The following EPG5 variants were observed in gnomAD, a reference collection of about 807,000 sequenced individuals.
EPG5 encodes ectopic P-granules 5 autophagy tethering factor.
Under a neutral mutation model 302.7 loss-of-function variants are expected in EPG5, and 159 were observed. The observed-to-expected ratio is 0.53, with a 90% confidence interval of 0.46 to 0.60. The LOEUF (loss-of-function observed/expected upper bound fraction) is 0.60, where lower values mean the gene tolerates loss of function less well. Among genes scored for constraint, EPG5 ranks in the 20% least tolerant of loss-of-function variants. The probability of loss-of-function intolerance (pLI) is 0.00; values close to 1 mark genes in which losing one functional copy is unlikely to be tolerated. For missense variants in EPG5, 2,896 were observed against 3,092.4 expected (o/e 0.94, Z 1.51); for synonymous variants, 1,158 against 1,136.8 (o/e 1.02, Z -0.37).
intron 37 of EPG5, 141 bp from the exon 38 acceptor site, chr18:45,867,148 C>T (rs956045481): frequency 1.8e-5 from 12 of 653,206 alleles, no homozygotes; most frequent in African/African-American, 1.8e-4. Flanking sequence ...AGTATCTACT[C>T]GAGTTAGGAG....
At chr18:45,915,458 A>G in intron 20 of EPG5, 53 bp downstream of exon 20, 1 of 1,244,564 alleles carries the variant, frequency 8.0e-7, no homozygotes. Context: ...AAGGATGATC[A>G]TGAGATTAAA....
rs140413001 is a variant in EPG5 at position 45,955,883 on chromosome 18, A to G, written c.64-545T>C. Among the ~76,000 whole-genome samples, 796 of 152,350 alleles carry G rather than the reference A, an allele frequency of 5.2e-3. 6 individuals carry two copies. Among genetic ancestry groups the G allele is most frequent in the African/African-American group, 0.018 (741 of 41,578 alleles). ...ATGAGTGAGAAGCGACAATTCTTCC[A>G]TACAGGAAAATTCCAATGAATAGAA... On this transcript the variant is annotated intron_variant, in intron 1 of 43. Transcript: ENST00000282041.
intron 7 of EPG5, among the ~76,000 whole-genome samples, chr18:45,944,977 C>T (rs894969434): frequency 2.6e-5 from 4 of 152,100 alleles, no homozygotes; most frequent in African/African-American, 4.8e-5. Context: ...GCGGTCTTTT[C>T]GTTTGACACA....
rs896131761 is a variant in EPG5, at chr18:45,850,363, C to T, written c.*2104G>A. On this transcript the variant is annotated 3_prime_UTR_variant, in exon 44 of 44. Transcript: ENST00000282041. The stretch of plus-strand genomic sequence containing the variant: ...TGGTCTCTCTGCCGCCCTTCTTTCC[C>T]AGGAGGCTACAGCAGCATGGCCATG... 1.3e-5 allele frequency: 2 copies of T among 152,258 alleles called. No individual in the cohort carries two copies. The highest frequency in any genetic ancestry group is 4.8e-5 in the African/African-American group (2 of 41,462). 9.4% of individuals were successfully genotyped at this position (152,258 alleles called of 1,614,324 possible). A position where few individuals can be genotyped will look rare whatever the true frequency, so the allele number is the denominator to read the frequency against.
At chr18:45,913,592 T>C in intron 21 of EPG5, 114 bp downstream of exon 21, 3 of 1,317,172 alleles carry the variant, frequency 2.3e-6, no homozygotes, top group Non-Finnish European at 3.2e-6. Flanking sequence ...TTGTTGAGCT[T>C]TCCAAACATT....
Position 45,852,354 on chromosome 18 carries a change from T to C in EPG5, c.*113A>G, listed in dbSNP as rs1046502115. The C allele has an allele frequency of 1.1e-5, 10 of 933,602 alleles. No individual in the cohort carries two copies. The East Asian group carries it at 2.6e-4, about 24-fold the overall frequency. 57.8% of individuals were successfully genotyped at this position (933,602 alleles called of 1,614,324 possible). A position where few individuals can be genotyped will look rare whatever the true frequency, so the allele number is the denominator to read the frequency against. On this transcript the variant is annotated 3_prime_UTR_variant, in exon 44 of 44. Coordinates refer to ENST00000282041, the MANE Select transcript of EPG5 (RefSeq NM_020964.3). The stretch of plus-strand genomic sequence containing the variant: ...CCTCCCAACTTGCATCTCAGTCAAC[T>C]ACACATTGGCCAAACTGAGCTCTAC...
Position 45,936,720 on chromosome 18 carries a change from CA to C in EPG5, c.2100-1755del, listed in dbSNP as rs762675563. Among the ~76,000 whole-genome samples, 167 of 53,844 alleles carry C rather than the reference CA, an allele frequency of 3.1e-3. 2 individuals are homozygous for C. Among genetic ancestry groups the C allele is most frequent in the East Asian group, 0.016 (31 of 1,934 alleles). The allele number at this position is 53,844 out of a possible 152,430, so 35.3% of individuals were successfully genotyped here. A position where few individuals can be genotyped will look rare whatever the true frequency, so the allele number is the denominator to read the frequency against. On this transcript the variant is annotated intron_variant, in intron 10 of 43. Transcript: ENST00000282041. ...TGGACAACAGAGTGAGACTCCATTTCAAAAAAAAAAAAAAAAAAAGGAAATC... is the reference window on the plus strand; with the variant it reads ...TGGACAACAGAGTGAGACTCCATTTCAAAAAAAAAAAAAAAAAAGGAAATC...
At chr18:45,876,599 C>T (rs1599469447) in intron 34 of EPG5, among the ~76,000 whole-genome samples, 4 of 151,944 alleles carry the variant, frequency 2.6e-5, no homozygotes. Context: ...CTAAATAACC[C>T]TTAAATTAAC....
At chr18:45,876,480 C>A in intron 34 of EPG5, 138 bp from the exon 35 acceptor site, 1 of 601,120 alleles carries the variant, frequency 1.7e-6, no homozygotes, top group East Asian at 2.8e-5. Flanking sequence ...ACTTAAAAGG[C>A]TGTAAATAAC....
chr18:45,835,205 T>G, the EPG5 span, among the ~76,000 whole-genome samples: 61 of 151,966 alleles, frequency 4.0e-4, no homozygotes, highest in Non-Finnish European at 8.1e-4. Flanking sequence ...GAAGCAGAAG[T>G]TGAGCAGCCA....
downstream of EPG5, among the ~76,000 whole-genome samples, chr18:45,845,882 C>A (rs2048359327): frequency 6.6e-6 from 1 of 152,182 alleles, no homozygotes; most frequent in African/African-American, 2.4e-5. Context: ...TTCCCTGCTG[C>A]CAACTGAAAT....
At chr18:45,886,887 A>G (rs1206693967) in intron 29 of EPG5, among the ~76,000 whole-genome samples, 3 of 152,046 alleles carry the variant, frequency 2.0e-5, no homozygotes, top group Admixed American at 2.0e-4. Flanking sequence ...TGAACTCCCA[A>G]CCTCAGATGA....
chr18:45,803,057 T>C, the EPG5 span, among the ~76,000 whole-genome samples: 1 of 152,214 alleles, frequency 6.6e-6, no homozygotes, highest in African/African-American at 2.4e-5. Flanking sequence ...GAGGTGCTTG[T>C]CTATAGATGG....
chr18:45,895,597 G>C (rs1568130159), intron 27 of EPG5, among the ~76,000 whole-genome samples: 1 of 152,196 alleles, frequency 6.6e-6, no homozygotes, highest in Non-Finnish European at 1.5e-5. Context: ...TTAAGGGTTT[G>C]AGTTGAGGAG....
At chr18:45,827,387 G>A in the EPG5 span, among the ~76,000 whole-genome samples, 1 of 152,178 alleles carries the variant, frequency 6.6e-6, no homozygotes, top group Admixed American at 6.5e-5. Flanking sequence ...CCCTTGGTAG[G>A]CACTGACAGG....
Position 45,910,643 on chromosome 18 carries a change from G to A in EPG5, c.4083C>T (p.Asp1361=). ...EMKRRLTEVA[D]FHHAASKALR... is the part of the protein sequence containing the mutation. ...GGGCCTTGCTTGCAGCATGGTGGAA[G>A]TCAGCCACCTCGGTCAAACGTCTCT... Residue 1361 remains aspartate (D), a synonymous_variant, in exon 23 of 44, where the codon GAC becomes GAT. Transcript: ENST00000282041. 1 of 1,614,172 alleles carries A rather than the reference G, an allele frequency of 6.2e-7. No homozygotes were observed.
intron 25 of EPG5, among the ~76,000 whole-genome samples, chr18:45,902,814 G>A (rs140250629): frequency 8.5e-5 from 13 of 152,172 alleles, no homozygotes; most frequent in South Asian, 4.1e-4. Context: ...GGAGTCAGAC[G>A]GCTCTGCCCA....
At chr18:45,949,367 T>C in intron 5 of EPG5, 117 bp downstream of exon 5, 3 of 603,576 alleles carry the variant, frequency 5.0e-6, no homozygotes, top group Non-Finnish European at 8.5e-6. Flanking sequence ...TTAAGAATTT[T>C]ATTTTAAATA....
At chr18:45,912,240 T>G (rs1004740392) in intron 22 of EPG5, 50 bp downstream of exon 22, 2 of 1,484,674 alleles carry the variant, frequency 1.3e-6, no homozygotes, top group Non-Finnish European at 9.0e-7. Flanking sequence ...ATGAGAGCAG[T>G]GCAAAGGCAG....
Sources: allele counts gnomAD v4.1 joint callset (sites outside exome capture counted in the v4.1 genomes callset), GRCh38; gene constraint gnomAD v4.1.1; transcripts MANE v1.5; gene names NCBI Gene and HGNC (gene_info 2026-07-23, HGNC 2026-07-21).